The following ACTG2 variants were observed in gnomAD, a reference collection of about 807,000 sequenced individuals.
The protein encoded by ACTG2 is actin gamma 2, smooth muscle, also known as actin, gamma-enteric smooth muscle.
In ACTG2, 16 loss-of-function variants were observed where a neutral mutation model predicts 37.6. The ratio of observed to expected loss-of-function variants is 0.43; its 90% CI spans 0.29 to 0.65. The LOEUF is 0.65. ACTG2 is among the 30% of genes least tolerant of loss of function. The pLI, the probability that ACTG2 is intolerant of heterozygous loss-of-function variation, is 0.18. For synonymous variants in ACTG2, 181 were observed against 179.9 expected (o/e 1.01, Z -0.05); for missense variants, 238 against 490.9 (o/e 0.48, Z 4.87).
At chr2:73,908,412 G>A (rs1048996162) in intron 3 of ACTG2, 1 of 561,000 alleles carries the variant, frequency 1.8e-6, no homozygotes, top group Admixed American at 2.2e-5. Flanking sequence ...CTGTAGGAGA[G>A]TGAAGAGGAG....
intron 5 of ACTG2, among the ~76,000 whole-genome samples, chr2:73,909,688 A>G (rs1032500839): frequency 1.3e-5 from 2 of 152,220 alleles, no homozygotes; most frequent in African/African-American, 4.8e-5. Flanking sequence ...ATGGTTAGGT[A>G]TTTGTATAGC....
At chr2:73,916,324 G>A (rs752605420) in intron 7 of ACTG2, among the ~76,000 whole-genome samples, 47 of 150,904 alleles carry the variant, frequency 3.1e-4, no homozygotes, top group Non-Finnish European at 5.9e-4. Flanking sequence ...GCAGTGAGCT[G>A]AGATCGCGCC....
chr2:73,919,677 T>C lies in ACTG2; in HGVS notation c.*102T>C. ...TACTTCTCTGTGTGGGGCTCTTTTT[T>C]CCTGGGCTATGTCTCATACACAGTG... On this transcript the variant is annotated 3_prime_UTR_variant, in exon 9 of 9. Transcript: ENST00000345517. 1 of 1,350,900 alleles carries C rather than the reference T, an allele frequency of 7.4e-7. No individual in the cohort carries two copies. Among genetic ancestry groups the C allele is most frequent in the African/African-American group, 1.5e-5 (1 of 68,452 alleles). The allele number at this position is 1,350,900 out of a possible 1,614,324, so 83.7% of individuals were successfully genotyped here. A position where few individuals can be genotyped will look rare whatever the true frequency, so the allele number is the denominator to read the frequency against.
At chr2:73,903,940 AAAAAAAAAAAAAAAAAAAAC>A (rs1405786571) in intron 3 of ACTG2, among the ~76,000 whole-genome samples, 183 of 61,866 alleles carry the variant, frequency 3.0e-3, no homozygotes, top group Admixed American at 3.4e-3. Context: ...ACTCCGTCTC[AAAAAAAAAAAAAAAAAAAAC>A]AAAAAAAAAA....
chr2:73,913,019 A>C (rs1343773163), intron 5 of ACTG2, among the ~76,000 whole-genome samples: 1 of 152,032 alleles, frequency 6.6e-6, no homozygotes, highest in Non-Finnish European at 1.5e-5. Flanking sequence ...AATACAAAAA[A>C]TTAGCCGGGC....
rs753251409 is a variant in ACTG2 at position 73,914,830 on chromosome 2, G to A, written c.764G>A (p.Arg255His). ...CAGGTTATCACCATTGGCAATGAGC[G>A]CTTCCGCTGCCCTGAGACCCTCTTC... ...DGQVITIGNE[R>H]FRCPETLFQP... Residue 255 changes from arginine (R) to histidine (H), a missense_variant, in exon 7 of 9, where the codon CGC becomes CAC. Arg to His is a conservative substitution (Grantham distance 29). Transcript: ENST00000345517. The A allele has an allele frequency of 6.2e-7, 1 of 1,604,274 alleles. No individual in the cohort carries two copies.
At chr2:73,914,985 T>A in intron 7 of ACTG2, 114 bp downstream of exon 7, 1 of 893,532 alleles carries the variant, frequency 1.1e-6, no homozygotes, top group Non-Finnish European at 1.5e-6. Flanking sequence ...TACATACACG[T>A]ACCTCACATT....
In ACTG2 at chr2:73,916,754, A is replaced by G. The variant is rs770754936; in HGVS notation, c.976A>G (p.Met326Val). ...GATCACAGCCCTGGCCCCCAGCACC[A>G]TGAAGATCAAGGTGGGTCTTGCCTC... is the stretch of plus-strand genomic sequence containing the variant. Reference protein sequence around the residue: ...KEITALAPSTMKIKIIAPPER... With the variant: ...KEITALAPSTVKIKIIAPPER... The change falls in exon 8 of 9, where the codon ATG becomes GTG. Residue 326 changes from methionine to valine, a missense_variant. Coordinates refer to ENST00000345517, the MANE Select transcript of ACTG2 (RefSeq NM_001615.4). 6.2e-7 allele frequency: 1 copy of G among 1,613,796 alleles called. No homozygotes were observed. The highest frequency in any genetic ancestry group is 1.7e-4 in the Middle Eastern group (1 of 5,980).
At chr2:73,908,648 C>A in intron 3 of ACTG2, 25 bp from the exon 4 acceptor site, 2 of 1,565,338 alleles carry the variant, frequency 1.3e-6, no homozygotes, top group Non-Finnish European at 1.7e-6. Context: ...GTCTGCCAGG[C>A]TCATATGGCT....
chr2:73,918,355 C>G (rs776825600), intron 8 of ACTG2, among the ~76,000 whole-genome samples: 11 of 152,232 alleles, frequency 7.2e-5, no homozygotes, highest in Middle Eastern at 3.4e-3. Flanking sequence ...AAATTTGTTA[C>G]CTTGCTAGTG....
intron 3 of ACTG2, among the ~76,000 whole-genome samples, chr2:73,906,429 C>T (rs538554391): frequency 4.0e-5 from 6 of 151,090 alleles, no homozygotes; most frequent in South Asian, 4.2e-4. Flanking sequence ...CCAGCCTGGG[C>T]GACAGAGCAA....
intron 5 of ACTG2, 25 bp downstream of exon 5, chr2:73,909,164 T>C: frequency 6.3e-7 from 1 of 1,592,460 alleles, no homozygotes; most frequent in Non-Finnish European, 8.6e-7. Flanking sequence ...AATCCATTCC[T>C]TTTCTGACTT....
intron 3 of ACTG2, chr2:73,902,931 T>A: frequency 1.4e-6 from 1 of 703,820 alleles, no homozygotes; most frequent in Non-Finnish European, 2.3e-6. Context: ...ACCCCTTCTT[T>A]AAAATGCTGG....
At position 73,909,238 on chromosome 2, in the gene ACTG2, G is replaced by T. The variant is rs558532417; in HGVS notation, c.451+99G>T. 1.9e-4 allele frequency: 219 copies of T among 1,129,814 alleles called. 2 individuals are homozygous for T. The South Asian group carries it at 2.5e-3, about 13-fold the overall frequency. The allele number at this position is 1,129,814 out of a possible 1,614,324, so 70.0% of individuals were successfully genotyped here. Reference sequence around the variant, plus strand: ...CCTGCTCAGAAGAATCAAATGGACAGCTGAAGTCCAGGCAAAATCTTTCTT... The same window carrying T: ...CCTGCTCAGAAGAATCAAATGGACATCTGAAGTCCAGGCAAAATCTTTCTT... On this transcript the variant is annotated intron_variant, in intron 5 of 8. Transcript: ENST00000345517.
Position 73,919,755 on chromosome 2 carries a change from G to A in ACTG2, c.*180G>A. The A allele has an allele frequency of 1.7e-6, 1 of 596,400 alleles. No individual in the cohort carries two copies. Among genetic ancestry groups the A allele is most frequent in the Non-Finnish European group, 2.7e-6 (1 of 369,788 alleles). The allele number at this position is 596,400 out of a possible 1,614,324, so 36.9% of individuals were successfully genotyped here. A position where few individuals can be genotyped will look rare whatever the true frequency, so the allele number is the denominator to read the frequency against. On this transcript the variant is annotated 3_prime_UTR_variant, in exon 9 of 9. Coordinates refer to ENST00000345517, the MANE Select transcript of ACTG2 (RefSeq NM_001615.4). ...ATCCATGCAATAGTGCTGTAAGGTA[G>A]GTGCTATCATTATACCCATATTACA...
At chr2:73,904,443 A>C (rs1024683039) in intron 3 of ACTG2, among the ~76,000 whole-genome samples, 1 of 151,862 alleles carries the variant, frequency 6.6e-6, no homozygotes, top group Admixed American at 6.6e-5. Context: ...AGGCTGAGGC[A>C]GGTGGATCAC....
At chr2:73,910,237 T>TA (rs1680100720) in intron 5 of ACTG2, among the ~76,000 whole-genome samples, 3 of 149,880 alleles carry the variant, frequency 2.0e-5, no homozygotes, top group South Asian at 2.1e-4. Context: ...TATATATATA[T>TA]TATTCTTTCT....
chr2:73,917,730 A>T (rs1680298957), intron 8 of ACTG2, among the ~76,000 whole-genome samples: 1 of 152,212 alleles, frequency 6.6e-6, no homozygotes, highest in African/African-American at 2.4e-5. Flanking sequence ...CCCCCTGCCT[A>T]ACAGATGGTG....
At chr2:73,915,909 G>A (rs749469022) in intron 7 of ACTG2, among the ~76,000 whole-genome samples, 18 of 152,064 alleles carry the variant, frequency 1.2e-4, no homozygotes, top group Admixed American at 3.9e-4. Context: ...GGGAGTGACC[G>A]CTATTAGGTA....
Sources: gnomAD v4.1 joint callset for allele counts (sites outside exome capture counted in the v4.1 genomes callset) on GRCh38, gnomAD v4.1.1 for gene constraint, MANE v1.5 for transcripts, NCBI Gene and HGNC (gene_info 2026-07-23, HGNC 2026-07-21) for gene names.